Variants in NR3C2 observed in about 807,000 individuals in gnomAD.
NR3C2 encodes the protein nuclear receptor subfamily 3 group C member 2, also known as mineralocorticoid receptor.
In NR3C2, 15 loss-of-function variants were observed where a neutral mutation model predicts 86.4. That is an observed-to-expected ratio of 0.17 (90% CI 0.12 to 0.27). The LOEUF (loss-of-function observed/expected upper bound fraction) is 0.27, where lower values mean the gene tolerates loss of function less well. Ranked by LOEUF, NR3C2 falls within the 10% of genes least tolerant of loss-of-function variation. The pLI, the probability that NR3C2 is intolerant of heterozygous loss-of-function variation, is 1.00. For synonymous variants in NR3C2, 458 were observed against 450.5 expected (o/e 1.02, Z -0.21); for missense variants, 960 against 1,195.6 (o/e 0.80, Z 2.91).
intron 2 of NR3C2, among the ~76,000 whole-genome samples, chr4:148,420,091 C>T (rs1021522927): frequency 6.6e-6 from 1 of 152,114 alleles, no homozygotes; most frequent in African/African-American, 2.4e-5. Flanking sequence ...CAAGCAACAC[C>T]CCTACTTAAG....
In NR3C2 at chr4:148,435,972, C is replaced by A. The variant is rs967304864; in HGVS notation, c.889G>T (p.Val297Leu). The change falls in exon 2 of 9, where the codon GTG (valine) becomes TTG (leucine). Residue 297 changes from valine to leucine, a missense_variant. Val to Leu is a conservative substitution (Grantham distance 32). This residue lies in a region of NR3C2 where 680 missense variants were observed against 719.0 expected (regional missense o/e 0.95). Coordinates refer to ENST00000358102, the MANE Select transcript of NR3C2 (RefSeq NM_000901.5). ...SPNNVTLRSS[V>L]SSPANINNSR... Reference sequence around the variant, plus strand: ...TTGTTAATATTTGCAGGGCTAGACACAGAGGATCTCAGAGTGACATTATTG... The same window carrying A: ...TTGTTAATATTTGCAGGGCTAGACAAAGAGGATCTCAGAGTGACATTATTG... 1 of 1,614,150 alleles carries A rather than the reference C, an allele frequency of 6.2e-7. No homozygotes were observed. The highest frequency in any genetic ancestry group is 8.5e-7 in the Non-Finnish European group (1 of 1,180,026).
chr4:148,292,823 T>G (rs1741859463), intron 2 of NR3C2, among the ~76,000 whole-genome samples: 4 of 152,172 alleles, frequency 2.6e-5, no homozygotes, highest in Admixed American at 2.6e-4. Flanking sequence ...CATTCTGATA[T>G]GAGAGGTTAA....
intron 2 of NR3C2, among the ~76,000 whole-genome samples, chr4:148,422,831 T>C (rs896544222): frequency 6.6e-6 from 1 of 152,150 alleles, no homozygotes; most frequent in Admixed American, 6.5e-5. Flanking sequence ...ACTGAAATCA[T>C]CAAGTTTTAC....
chr4:148,425,636 C>G (rs929288603), intron 2 of NR3C2, among the ~76,000 whole-genome samples: 2 of 152,074 alleles, frequency 1.3e-5, no homozygotes, highest in Admixed American at 1.3e-4. Context: ...CAATCAGGGG[C>G]CTGGTAATTT....
intron 2 of NR3C2, among the ~76,000 whole-genome samples, chr4:148,297,403 C>A (rs1164935063): frequency 1.3e-5 from 2 of 152,196 alleles, no homozygotes; most frequent in Non-Finnish European, 2.9e-5. Flanking sequence ...ATAGGTATAA[C>A]TTAGAATAAT....
At chr4:148,289,762 C>A (rs192478970) in intron 2 of NR3C2, among the ~76,000 whole-genome samples, 1 of 152,180 alleles carries the variant, frequency 6.6e-6, no homozygotes, top group Non-Finnish European at 1.5e-5. Context: ...AGCTTCCTGA[C>A]TCTGTCTCCC....
chr4:148,277,781 C>G (rs903174340), intron 2 of NR3C2, among the ~76,000 whole-genome samples: 3 of 152,150 alleles, frequency 2.0e-5, no homozygotes, highest in African/African-American at 4.8e-5. Context: ...CACCCCACAC[C>G]AGCATTCATG....
chr4:148,390,215 T>C (rs983240757), intron 2 of NR3C2, among the ~76,000 whole-genome samples: 2 of 145,990 alleles, frequency 1.4e-5, no homozygotes, highest in South Asian at 2.2e-4. Context: ...GGAAATATGA[T>C]CAGGAACCCT....
chr4:148,419,114 T>C (rs1749150212), intron 2 of NR3C2, among the ~76,000 whole-genome samples: 1 of 151,876 alleles, frequency 6.6e-6, no homozygotes, highest in Admixed American at 6.6e-5. Context: ...TTTCTTTTTG[T>C]CTGGCTAGCC....
intron 8 of NR3C2, among the ~76,000 whole-genome samples, chr4:148,100,598 T>C (rs1053627256): frequency 2.0e-5 from 3 of 152,178 alleles, no homozygotes; most frequent in East Asian, 1.9e-4. Context: ...GTGGAGAAAT[T>C]AGAATCCTTG....
chr4:148,228,305 T>G (rs1738282792), intron 3 of NR3C2, among the ~76,000 whole-genome samples: 1 of 151,544 alleles, frequency 6.6e-6, no homozygotes, highest in Non-Finnish European at 1.5e-5. Flanking sequence ...ACCCAAGTAC[T>G]TTGCTTTTTC....
chr4:148,173,288 A>C (rs1352664694), intron 4 of NR3C2, among the ~76,000 whole-genome samples: 1 of 152,222 alleles, frequency 6.6e-6, no homozygotes, highest in Non-Finnish European at 1.5e-5. Context: ...TACATGGCAA[A>C]AGGAACTCTG....
Position 148,168,072 on chromosome 4 carries a change from A to G in NR3C2, c.2015-13171T>C, listed in dbSNP as rs371211790. 5.9e-5 allele frequency among the ~76,000 whole-genome samples: 9 copies of G among 152,328 alleles called. No individual in the cohort carries two copies. In the East Asian group the frequency reaches 1.7e-3, roughly 29 times the overall value. ...GAGGAAACAGGGAGAAGCCAAAAAG[A>G]AAAGAGGCCTTTAGCTTCATAGAAC... On this transcript the variant is annotated intron_variant, in intron 4 of 8. Coordinates refer to ENST00000358102, the MANE Select transcript of NR3C2 (RefSeq NM_000901.5).
chr4:148,183,673 CA>C (rs1735748474), intron 4 of NR3C2, among the ~76,000 whole-genome samples: 1 of 152,146 alleles, frequency 6.6e-6, no homozygotes, highest in Non-Finnish European at 1.5e-5. Flanking sequence ...TTAAGTGGGA[CA>C]GTGCATATAA....
At chr4:148,414,750 AAT>A (rs1748911169) in intron 2 of NR3C2, among the ~76,000 whole-genome samples, 1 of 152,212 alleles carries the variant, frequency 6.6e-6, no homozygotes, top group African/African-American at 2.4e-5. Context: ...TTTATGTGAT[AAT>A]TATTTTTCCT....
Position 148,187,476 on chromosome 4 carries a change from A to G in NR3C2, c.2014+7270T>C, listed in dbSNP as rs374722684. On this transcript the variant is annotated intron_variant, in intron 4 of 8. Coordinates refer to ENST00000358102, the MANE Select transcript of NR3C2 (RefSeq NM_000901.5). ...CATTAGTGATGTTGAGCATTTTTTC[A>G]TGTTTGTTGGCCATTTGTATATCTT... 1.5e-4 allele frequency among the ~76,000 whole-genome samples: 23 copies of G among 151,754 alleles called. No homozygotes were observed. The South Asian group carries it at 3.8e-3, about 25-fold the overall frequency.
intron 2 of NR3C2, among the ~76,000 whole-genome samples, chr4:148,327,039 T>G (rs1744004112): frequency 1.3e-5 from 2 of 152,162 alleles, no homozygotes; most frequent in Non-Finnish European, 2.9e-5. Flanking sequence ...TAAGAATTAT[T>G]TTTGATTATT....
chr4:148,323,949 C>A (rs1426768401), intron 2 of NR3C2, among the ~76,000 whole-genome samples: 2 of 152,130 alleles, frequency 1.3e-5, no homozygotes, highest in Non-Finnish European at 2.9e-5. Context: ...CTTTTCTAAG[C>A]CTTATATAAT....
At chr4:148,256,989 C>T (rs1739865177) in intron 3 of NR3C2, among the ~76,000 whole-genome samples, 1 of 152,204 alleles carries the variant, frequency 6.6e-6, no homozygotes, top group African/African-American at 2.4e-5. Flanking sequence ...GGGTGACACA[C>T]TCTAGATCAT....
Sources: gnomAD v4.1 joint callset for allele counts (sites outside exome capture counted in the v4.1 genomes callset) on GRCh38, gnomAD v4.1.1 for gene constraint, gnomAD v4.1.1 regional missense constraint, MANE v1.5 for transcripts, NCBI Gene and HGNC (gene_info 2026-07-23, HGNC 2026-07-21) for gene names.